Variants in UACA observed in about 807,000 individuals in gnomAD.
UACA encodes the protein nuclear membrane binding protein.
A neutral mutation model predicts 160.5 loss-of-function variants in UACA; 112 were observed. The ratio of observed to expected loss-of-function variants is 0.70; its 90% CI spans 0.60 to 0.82. UACA has a LOEUF of 0.82. UACA is among the 40% of genes least tolerant of loss of function. The pLI, the probability that UACA is intolerant of heterozygous loss-of-function variation, is 0.00. For missense variants in UACA, 1,574 were observed against 1,614.6 expected, an observed-to-expected ratio of 0.97 and a Z score of 0.43; for synonymous variants, 557 against 568.4, an observed-to-expected ratio of 0.98 and a Z score of 0.29.
intron 1 of UACA, among the ~76,000 whole-genome samples, chr15:70,709,961 G>A (rs1898633363): frequency 6.6e-6 from 1 of 152,096 alleles, no homozygotes; most frequent in South Asian, 2.1e-4. Flanking sequence ...TAATAATTTT[G>A]GTGTCATGGA....
chr15:70,667,689 T>C lies in UACA; in HGVS notation c.2995A>G (p.Lys999Glu), dbSNP rs1896973526. ...VSFEECERKF[K>E]ATEKELKDQL... ...TCTTTTAGTTCTTTCTCTGTTGCTT[T>C]AAATTTTCTCTCGCACTCCTCAAAG... Residue 999 changes from lysine (K) to glutamate (E), a missense_variant, in exon 16 of 19, where the codon AAA (lysine) becomes GAA (glutamate). Coordinates refer to ENST00000322954, the MANE Select transcript of UACA (RefSeq NM_018003.4). 6.2e-7 allele frequency: 1 copy of C among 1,613,844 alleles called. No homozygotes were observed.
chr15:70,739,794 C>T (rs904435657), intron 1 of UACA, among the ~76,000 whole-genome samples: 2 of 151,988 alleles, frequency 1.3e-5, no homozygotes, highest in African/African-American at 4.8e-5. Flanking sequence ...ATATATAAGC[C>T]CCAGATTGCA....
At chr15:70,754,922 T>C (rs1567001764) in intron 1 of UACA, among the ~76,000 whole-genome samples, 4 of 152,242 alleles carry the variant, frequency 2.6e-5, no homozygotes, top group Admixed American at 2.0e-4. Context: ...GTTCCATTTA[T>C]AATTTCAGGC....
intron 1 of UACA, among the ~76,000 whole-genome samples, chr15:70,708,122 C>T (rs80241053): frequency 0.041 from 6,193 of 152,094 alleles, 433 homozygotes; most frequent in African/African-American, 0.14. Flanking sequence ...TCACATGCTA[C>T]GACATAGATG....
chr15:70,691,259 G>A (rs554124590), intron 4 of UACA, 40 bp downstream of exon 4: 41 of 1,403,822 alleles, frequency 2.9e-5, no homozygotes, highest in South Asian at 1.6e-4. Flanking sequence ...ATGATTTGTT[G>A]TCAAAATAAT....
chr15:70,727,749 G>C (rs565862620), intron 1 of UACA, among the ~76,000 whole-genome samples: 1 of 152,164 alleles, frequency 6.6e-6, no homozygotes, highest in African/African-American at 2.4e-5. Flanking sequence ...ATCTTAAACT[G>C]TTCTAGAACT....
intron 5 of UACA, among the ~76,000 whole-genome samples, chr15:70,689,594 G>A (rs1897853314): frequency 6.6e-6 from 1 of 152,022 alleles, no homozygotes; most frequent in Non-Finnish European, 1.5e-5. Context: ...GAAATTTGAA[G>A]TATAATATGT....
intron 17 of UACA, among the ~76,000 whole-genome samples, chr15:70,661,859 C>T (rs929426849): frequency 6.6e-6 from 1 of 152,050 alleles, no homozygotes; most frequent in African/African-American, 2.4e-5. Context: ...TGGGACGTAT[C>T]TCAAAATAAT....
At chr15:70,725,894 C>T (rs1173273173) in intron 1 of UACA, among the ~76,000 whole-genome samples, 1 of 152,056 alleles carries the variant, frequency 6.6e-6, no homozygotes, top group Non-Finnish European at 1.5e-5. Flanking sequence ...AAATGATAAA[C>T]ACTGAGGTGA....
Position 70,668,850 on chromosome 15 carries a change from T to G in UACA, c.1834A>C (p.Met612Leu), listed in dbSNP as rs751462507. 6.2e-6 allele frequency: 10 copies of G among 1,613,876 alleles called. No homozygotes were observed. The East Asian group carries it at 2.0e-4, about 32-fold the overall frequency. ...GACAATTCTTTTGCCTGGCCTTCCA[T>G]CTCTGTGACCTTTCTTCCTTTCTTC... is the stretch of plus-strand genomic sequence containing the variant. The part of the protein sequence containing the change: ...REKKGRKVTE[M>L]EGQAKELSAK... The change falls in exon 16 of 19, where the codon ATG becomes CTG. Residue 612 changes from methionine to leucine, a missense_variant. By Grantham distance (15) the Met-to-Leu change is conservative. Transcript: ENST00000322954.
At chr15:70,726,576 T>G (rs1422330782) in intron 1 of UACA, among the ~76,000 whole-genome samples, 1 of 152,182 alleles carries the variant, frequency 6.6e-6, no homozygotes, top group African/African-American at 2.4e-5. Context: ...ATCACAAAGC[T>G]CAGCATCCTG....
intron 7 of UACA, 39 bp downstream of exon 7, chr15:70,687,501 T>C (rs758662990): frequency 6.3e-7 from 1 of 1,594,172 alleles, no homozygotes; most frequent in South Asian, 1.1e-5. Flanking sequence ...CATCCCTGTG[T>C]ATCCAGCTGG....
chr15:70,773,221 A>C, the UACA span, among the ~76,000 whole-genome samples: 2 of 152,206 alleles, frequency 1.3e-5, no homozygotes, highest in African/African-American at 4.8e-5. Flanking sequence ...AAGATGGAGA[A>C]GCACAGAGAC....
Position 70,693,565 on chromosome 15 carries a change from G to C in UACA, c.301+1452C>G, listed in dbSNP as rs1898016383. Among the ~76,000 whole-genome samples, 3 of 151,974 alleles carry C rather than the reference G, an allele frequency of 2.0e-5. 1 individual carries two copies. The South Asian group carries it at 6.2e-4, about 32-fold the overall frequency. ...ACAAACATTATAAAACATATCAAATGAAAATATAAATAGCAGCAAAAACAA... is the reference window on the plus strand; with the variant it reads ...ACAAACATTATAAAACATATCAAATCAAAATATAAATAGCAGCAAAAACAA... On this transcript the variant is annotated intron_variant, in intron 3 of 18. Transcript: ENST00000322954.
At chr15:70,670,853 G>A (rs1446077755) in intron 15 of UACA, among the ~76,000 whole-genome samples, 186 bp downstream of exon 15, 1 of 151,782 alleles carries the variant, frequency 6.6e-6, no homozygotes, top group African/African-American at 2.4e-5. Context: ...CACTCTAGAG[G>A]GCACCAGAAA....
At chr15:70,719,299 C>A (rs942649578) in intron 1 of UACA, among the ~76,000 whole-genome samples, 9 of 152,150 alleles carry the variant, frequency 5.9e-5, no homozygotes, top group Non-Finnish European at 1.2e-4. Flanking sequence ...ATGACATAAA[C>A]CCAGGGCAAA....
At chr15:70,727,868 T>C (rs1899193891) in intron 1 of UACA, among the ~76,000 whole-genome samples, 1 of 152,202 alleles carries the variant, frequency 6.6e-6, no homozygotes, top group Non-Finnish European at 1.5e-5. Context: ...TGTTTGAAAG[T>C]AGGGCCTCTT....
At chr15:70,698,156 C>G (rs1443596287) in intron 2 of UACA, among the ~76,000 whole-genome samples, 1 of 152,190 alleles carries the variant, frequency 6.6e-6, no homozygotes, top group Admixed American at 6.5e-5. Context: ...CATCAAATTA[C>G]ACCACTATAA....
At chr15:70,727,119 T>C (rs915284958) in intron 1 of UACA, among the ~76,000 whole-genome samples, 1 of 152,198 alleles carries the variant, frequency 6.6e-6, no homozygotes, top group African/African-American at 2.4e-5. Flanking sequence ...AGCTTTTTCT[T>C]AAGGGTTAAA....
Sources: allele counts gnomAD v4.1 joint callset (sites outside exome capture counted in the v4.1 genomes callset), GRCh38; gene constraint gnomAD v4.1.1; transcripts MANE v1.5; gene names NCBI Gene and HGNC (gene_info 2026-07-23, HGNC 2026-07-21).